Variants in UNC5D observed in about 807,000 individuals in gnomAD.
UNC5D encodes the protein unc-5 netrin receptor D, also known as netrin receptor UNC5D.
UNC5D carries 39 observed loss-of-function variants against 105.4 expected under a neutral mutation model. The ratio of observed to expected loss-of-function variants is 0.37; its 90% CI spans 0.29 to 0.48. The LOEUF (loss-of-function observed/expected upper bound fraction) is 0.48, where lower values mean the gene tolerates loss of function less well. Ranked by LOEUF, UNC5D falls within the 20% of genes least tolerant of loss-of-function variation. UNC5D has a pLI of 0.98. For missense variants in UNC5D, 991 were observed against 1,202.4 expected, an observed-to-expected ratio of 0.82 and a Z score of 2.60; for synonymous variants, 452 against 450.4, an observed-to-expected ratio of 1.00 and a Z score of -0.04.
chr8:35,351,244 A>G (rs960481282), intron 1 of UNC5D, among the ~76,000 whole-genome samples: 1 of 152,070 alleles, frequency 6.6e-6, no homozygotes, highest in East Asian at 1.9e-4. Context: ...AATACCATTG[A>G]AAATCCTTTT....
At chr8:35,388,552 G>A (rs1803579421) in intron 1 of UNC5D, among the ~76,000 whole-genome samples, 1 of 152,128 alleles carries the variant, frequency 6.6e-6, no homozygotes, top group Non-Finnish European at 1.5e-5. Context: ...TTTTGCAACA[G>A]TAATCCAAAT....
chr8:35,734,217 C>T (rs1294938302), intron 11 of UNC5D, among the ~76,000 whole-genome samples: 1 of 151,824 alleles, frequency 6.6e-6, no homozygotes, highest in African/African-American at 2.4e-5. Flanking sequence ...GGTGAGATCT[C>T]AGCCCTGGGG....
chr8:35,590,816 AAC>A (rs1563566673), intron 3 of UNC5D, among the ~76,000 whole-genome samples: 1 of 152,274 alleles, frequency 6.6e-6, no homozygotes, highest in East Asian at 1.9e-4. Context: ...TTCAAACAAA[AAC>A]ACAAGCTGCG....
At chr8:35,673,999 T>A (rs77490542) in intron 4 of UNC5D, among the ~76,000 whole-genome samples, 2,456 of 152,240 alleles carry the variant, frequency 0.016, 69 homozygotes, top group African/African-American at 0.056. Flanking sequence ...CCGTGGACAG[T>A]TACTGAGCTT....
Position 35,793,000 on chromosome 8 carries a change from C to T in UNC5D, c.*2437C>T. On this transcript the variant is annotated 3_prime_UTR_variant, in exon 17 of 17. Coordinates refer to ENST00000404895, the MANE Select transcript of UNC5D (RefSeq NM_080872.4). ...TTTCCTTTGGCCTGGGTTTTATAAA[C>T]AACTTGAACATCATATCATATAGGA... 2.2e-6 allele frequency: 1 copy of T among 454,388 alleles called. No individual in the cohort carries two copies. Among genetic ancestry groups the T allele is most frequent in the Non-Finnish European group, 4.4e-6 (1 of 226,346 alleles). 28.1% of individuals were successfully genotyped at this position (454,388 alleles called of 1,614,324 possible).
At chr8:35,261,974 G>T (rs1804530720) in intron 1 of UNC5D, among the ~76,000 whole-genome samples, 1 of 152,160 alleles carries the variant, frequency 6.6e-6, no homozygotes, top group Admixed American at 6.5e-5. Context: ...TATTGTAGTT[G>T]TCTGGGTTTC....
chr8:35,250,496 G>A lies in UNC5D; in HGVS notation c.103+14609G>A, dbSNP rs376857687. ...TAGTAAGCATAGTACCCAATAGTTAGTTTGTTTTTCTTTTTTGAGATGGAG... is the reference window on the plus strand; with the variant it reads ...TAGTAAGCATAGTACCCAATAGTTAATTTGTTTTTCTTTTTTGAGATGGAG... On this transcript the variant is annotated intron_variant, in intron 1 of 16. Transcript: ENST00000404895. Among the ~76,000 whole-genome samples, 49 of 152,082 alleles carry A rather than the reference G, an allele frequency of 3.2e-4. 1 individual carries two copies. Among genetic ancestry groups the A allele is most frequent in the African/African-American group, 1.2e-3 (48 of 41,522 alleles).
At chr8:35,530,916 G>A (rs1401344667) in intron 1 of UNC5D, among the ~76,000 whole-genome samples, 3 of 141,244 alleles carry the variant, frequency 2.1e-5, no homozygotes, top group Non-Finnish European at 3.0e-5. Flanking sequence ...TTTTTATTGT[G>A]TCTATTTGAT....
chr8:35,239,316 A>C (rs1030737454), intron 1 of UNC5D, among the ~76,000 whole-genome samples: 1 of 152,164 alleles, frequency 6.6e-6, no homozygotes. Flanking sequence ...AGGTAGTTCT[A>C]CACTGCGCTG....
At chr8:35,773,785 G>A (rs1802111549) in intron 15 of UNC5D, among the ~76,000 whole-genome samples, 1 of 152,134 alleles carries the variant, frequency 6.6e-6, no homozygotes, top group Non-Finnish European at 1.5e-5. Context: ...TGCAATGGCG[G>A]GATCTCAACT....
At chr8:35,454,588 T>C (rs1808365094) in intron 1 of UNC5D, among the ~76,000 whole-genome samples, 2 of 152,126 alleles carry the variant, frequency 1.3e-5, no homozygotes, top group Admixed American at 1.3e-4. Context: ...TCTAATCTTC[T>C]ATTAGTTTTC....
chr8:35,404,360 A>C (rs1019628058), intron 1 of UNC5D, among the ~76,000 whole-genome samples: 2 of 152,190 alleles, frequency 1.3e-5, no homozygotes, highest in Non-Finnish European at 2.9e-5. Flanking sequence ...GGGTTTGAGA[A>C]GGAATAGAAG....
chr8:35,595,516 T>TTTG, intron 3 of UNC5D, 38 bp from the exon 4 acceptor site: 1 of 1,600,192 alleles, frequency 6.2e-7, no homozygotes. Flanking sequence ...AACACTAGAC[T>TTTG]TGAAACAAAG....
At chr8:35,507,323 G>A (rs1258170522) in intron 1 of UNC5D, among the ~76,000 whole-genome samples, 1 of 151,970 alleles carries the variant, frequency 6.6e-6, no homozygotes, top group African/African-American at 2.4e-5. Context: ...CCAAAGTGCT[G>A]GGATTACAGG....
At chr8:35,260,290 C>A (rs1488871137) in intron 1 of UNC5D, among the ~76,000 whole-genome samples, 1 of 152,146 alleles carries the variant, frequency 6.6e-6, no homozygotes, top group Non-Finnish European at 1.5e-5. Flanking sequence ...AGCGGTCCAT[C>A]ATTCCAAAGC....
chr8:35,278,181 G>A (rs995769703), intron 1 of UNC5D, among the ~76,000 whole-genome samples: 1 of 152,086 alleles, frequency 6.6e-6, no homozygotes. Flanking sequence ...TGCTCACAGT[G>A]CCCTCCAACT....
intron 8 of UNC5D, among the ~76,000 whole-genome samples, chr8:35,716,557 G>A (rs1311850762): frequency 6.6e-6 from 1 of 152,204 alleles, no homozygotes; most frequent in Non-Finnish European, 1.5e-5. Context: ...ACACATCTCA[G>A]TGAAGATATT....
chr8:35,324,217 A>G (rs538033645), intron 1 of UNC5D, among the ~76,000 whole-genome samples: 1 of 123,798 alleles, frequency 8.1e-6, no homozygotes, highest in African/African-American at 2.8e-5. Flanking sequence ...TAGGCAACAG[A>G]GCAAGACCCT....
intron 3 of UNC5D, among the ~76,000 whole-genome samples, chr8:35,585,407 C>T (rs772652630): frequency 3.3e-5 from 5 of 152,000 alleles, no homozygotes; most frequent in Admixed American, 6.6e-5. Context: ...CAGTGGCGTC[C>T]GTCCAAAGGT....
Sources: allele counts gnomAD v4.1 joint callset (sites outside exome capture counted in the v4.1 genomes callset), GRCh38; gene constraint gnomAD v4.1.1; transcripts MANE v1.5; gene names NCBI Gene and HGNC (gene_info 2026-07-23, HGNC 2026-07-21).